Variants in ZFYVE26 observed in about 807,000 individuals in gnomAD.
ZFYVE26 encodes the protein zinc finger FYVE domain-containing protein 26.
Under a neutral mutation model 276.5 loss-of-function variants are expected in ZFYVE26, and 181 were observed. That is an observed-to-expected ratio of 0.65 (90% CI 0.58 to 0.74). The LOEUF (loss-of-function observed/expected upper bound fraction) is 0.74, where lower values mean the gene tolerates loss of function less well. Among genes scored for constraint, ZFYVE26 ranks in the 30% least tolerant of loss-of-function variants. The probability of loss-of-function intolerance (pLI) is 0.00; values close to 1 mark genes in which losing one functional copy is unlikely to be tolerated. For missense variants in ZFYVE26, 2,821 were observed against 3,097.9 expected, an observed-to-expected ratio of 0.91 and a Z score of 2.12; for synonymous variants, 1,129 against 1,203.1, an observed-to-expected ratio of 0.94 and a Z score of 1.27.
intron 35 of ZFYVE26, among the ~76,000 whole-genome samples, chr14:67,760,203 A>G (rs2038896205): frequency 6.6e-6 from 1 of 152,222 alleles, no homozygotes; most frequent in Non-Finnish European, 1.5e-5. Flanking sequence ...TGGGAAAAGC[A>G]TCTTTACTGC....
chr14:67,790,980 A>G (rs1445980593), intron 14 of ZFYVE26, among the ~76,000 whole-genome samples: 1 of 152,246 alleles, frequency 6.6e-6, no homozygotes, highest in East Asian at 1.9e-4. Context: ...CCTCAGTAGA[A>G]AATAGGCAAA....
rs757960418 is a variant in ZFYVE26 at position 67,775,033 on chromosome 14, G to T, written c.5303C>A (p.Ser1768Tyr). ...TLPRSPSAEF[S>Y]PAAPPGISSI... ...GTTCTTACCAGGAGGAGCAGCAGGA[G>T]AGAACTCTGCTGATGGTGATCTAGG... is the stretch of plus-strand genomic sequence containing the variant. Residue 1768 changes from serine to tyrosine, a missense_variant, in exon 27 of 42, where the codon TCT (serine) becomes TAT (tyrosine). Transcript: ENST00000347230. 1.9e-6 allele frequency: 3 copies of T among 1,611,048 alleles called. No individual in the cohort carries two copies. In the Admixed American group the frequency reaches 5.0e-5, roughly 27 times the overall value.
rs142448052 is a variant in ZFYVE26, at chr14:67,761,531, C to A, written c.6423G>T (p.Thr2141=). Residue 2141 remains threonine (T), a synonymous_variant, in exon 35 of 42, where the codon ACG becomes ACT. Coordinates refer to ENST00000347230, the MANE Select transcript of ZFYVE26 (RefSeq NM_015346.4). ...TLRELEATLR[T]QSLSLAVIPE... is the part of the protein sequence containing the mutation. The stretch of plus-strand genomic sequence containing the variant: ...GAATCACTGCCAGAGAAAGGCTCTG[C>A]GTCCGAAGGGTAGCTTCCAGTTCCC... The A allele has an allele frequency of 6.2e-7, 1 of 1,614,182 alleles. No homozygotes were observed. Among genetic ancestry groups the A allele is most frequent in the Non-Finnish European group, 8.5e-7 (1 of 1,180,030 alleles).
At chr14:67,764,244 A>C (rs1333201719) in intron 32 of ZFYVE26, among the ~76,000 whole-genome samples, 1 of 152,254 alleles carries the variant, frequency 6.6e-6, no homozygotes, top group Non-Finnish European at 1.5e-5. Flanking sequence ...CTTATCCACC[A>C]ATTACCTAGA....
intron 14 of ZFYVE26, among the ~76,000 whole-genome samples, chr14:67,791,591 T>C (rs8012665): frequency 0.046 from 6,921 of 151,872 alleles, 315 homozygotes; most frequent in African/African-American, 0.12. Context: ...TAATACTTTC[T>C]GATATTGTCG....
intron 14 of ZFYVE26, among the ~76,000 whole-genome samples, chr14:67,792,745 C>G (rs951055772): frequency 6.6e-6 from 1 of 151,296 alleles, no homozygotes; most frequent in Non-Finnish European, 1.5e-5. Flanking sequence ...AACCTCATCT[C>G]TACTAAAAAT....
chr14:67,797,033 TAAC>T (rs2039967664), intron 12 of ZFYVE26: 1 of 152,812 alleles, frequency 6.5e-6, no homozygotes, highest in African/African-American at 2.4e-5. Flanking sequence ...TTAAATAAGT[TAAC>T]AATTATAAAT....
chr14:67,768,637 TC>T, intron 29 of ZFYVE26, 89 bp from the exon 30 acceptor site: 1 of 1,290,860 alleles, frequency 7.7e-7, no homozygotes, highest in Non-Finnish European at 1.1e-6. Flanking sequence ...TTACAGTGTC[TC>T]CCTGGTACAA....
chr14:67,774,529 T>C (rs960352988), intron 27 of ZFYVE26, among the ~76,000 whole-genome samples: 2 of 150,886 alleles, frequency 1.3e-5, no homozygotes, highest in African/African-American at 4.9e-5. Context: ...AAGATGGGGA[T>C]GGTAGCGGAC....
chr14:67,786,128 C>T lies in ZFYVE26; in HGVS notation c.3125G>A (p.Ser1042Asn), dbSNP rs368740560. ...KSLNYLLMSA[S>N]QTKSESVEEK... is the part of the protein sequence containing the mutation. The stretch of plus-strand genomic sequence containing the variant: ...AAGCAACTCACCTGATTTGGTTTGA[C>T]TGGCTGACATAAGCAGATAATTGAG... Residue 1042 changes from serine (S) to asparagine (N), a missense_variant, in exon 17 of 42, where the codon AGT (serine) becomes AAT (asparagine). Physicochemically the swap from Ser to Asn is conservative, Grantham distance 46 (BLOSUM62 1). Transcript: ENST00000347230. The T allele has an allele frequency of 1.8e-5, 29 of 1,613,986 alleles. No homozygotes were observed. The highest frequency in any genetic ancestry group is 2.3e-5 in the Non-Finnish European group (27 of 1,180,022).
chr14:67,810,699 C>T (rs1479833894), intron 3 of ZFYVE26, among the ~76,000 whole-genome samples: 2 of 152,178 alleles, frequency 1.3e-5, no homozygotes, highest in Non-Finnish European at 2.9e-5. Flanking sequence ...CCCTAACACA[C>T]AAATTGGAGT....
At chr14:67,775,196 T>G in intron 26 of ZFYVE26, 82 bp from the exon 27 acceptor site, 2 of 907,388 alleles carry the variant, frequency 2.2e-6, no homozygotes, top group African/African-American at 3.3e-5. Context: ...AGAACAAAGC[T>G]CTGTTGGCTT....
chr14:67,804,124 G>A lies in ZFYVE26; in HGVS notation c.1412C>T (p.Ala471Val). The change falls in exon 9 of 42, where the codon GCC becomes GTC. Residue 471 changes from alanine (A) to valine (V), a missense_variant. Physicochemically the swap from Ala to Val is moderately conservative, Grantham distance 64. Coordinates refer to ENST00000347230, the MANE Select transcript of ZFYVE26 (RefSeq NM_015346.4). ...DVLKLLQKVP[A>V]KDPQQEPDAV... Reference sequence around the variant, plus strand: ...ACCAGGCTCTTGCTGGGGGTCCTTGGCTGGCACTTTCTGTAAGAGCTTGAG... The same window carrying A: ...ACCAGGCTCTTGCTGGGGGTCCTTGACTGGCACTTTCTGTAAGAGCTTGAG... The A allele has an allele frequency of 6.2e-7, 1 of 1,614,144 alleles. No homozygotes were observed.
chr14:67,784,881 T>A (rs1199064214), intron 19 of ZFYVE26, among the ~76,000 whole-genome samples, 178 bp downstream of exon 19: 1 of 152,218 alleles, frequency 6.6e-6, no homozygotes, highest in African/African-American at 2.4e-5. Flanking sequence ...GCTATACAGC[T>A]ATACTAGCAC....
rs200387832 is a variant in ZFYVE26, at chr14:67,733,780, C to T, written n.2680-3961G>A. The stretch of plus-strand genomic sequence containing the variant: ...GAGGACCTGGGTGTCTCCAAGGGCC[C>T]GAAATAACAAAACAGCTGAGCGCCT... On this transcript the variant is annotated intron_variant and non_coding_transcript_variant, in intron 13 of 14. Coordinates refer to the ZFYVE26 transcript ENST00000394455. The T allele has an allele frequency of 6.2e-5, 100 of 1,613,060 alleles. No individual in the cohort carries two copies. The highest frequency in any genetic ancestry group is 7.9e-5 in the Non-Finnish European group (93 of 1,179,486).
chr14:67,778,023 A>C, intron 24 of ZFYVE26, 103 bp downstream of exon 24: 1 of 1,519,948 alleles, frequency 6.6e-7, no homozygotes, highest in Non-Finnish European at 9.1e-7. Flanking sequence ...CAGAAGAGGC[A>C]TAGCTGAGAT....
At chr14:67,752,254 A>C in intron 40 of ZFYVE26, 90 bp downstream of exon 40, 1 of 1,456,968 alleles carries the variant, frequency 6.9e-7, no homozygotes, top group South Asian at 1.2e-5. Context: ...GTAGAGTTTC[A>C]GGCACATTAT....
At chr14:67,755,505 C>T (rs956114119) in intron 36 of ZFYVE26, among the ~76,000 whole-genome samples, 3 of 152,162 alleles carry the variant, frequency 2.0e-5, no homozygotes, top group Admixed American at 6.5e-5. Flanking sequence ...TTCTGATTCT[C>T]CACTCAAATT....
At chr14:67,734,815 C>T (rs140650050) in intron 13 of ZFYVE26, among the ~76,000 whole-genome samples, 23 of 152,308 alleles carry the variant, frequency 1.5e-4, no homozygotes, top group African/African-American at 4.6e-4. Context: ...CTATTCTCTG[C>T]GTTATCCCCA....
Sources: allele counts gnomAD v4.1 joint callset (sites outside exome capture counted in the v4.1 genomes callset), GRCh38; gene constraint gnomAD v4.1.1; transcripts MANE v1.5; gene names NCBI Gene and HGNC (gene_info 2026-07-23, HGNC 2026-07-21).